ARHGAP32: variants seen among roughly 807,000 people sequenced by gnomAD.
The protein encoded by ARHGAP32 is rho GTPase-activating protein 32.
In ARHGAP32, 51 loss-of-function variants were observed where a neutral mutation model predicts 186.5. That is an observed-to-expected ratio of 0.27 (90% CI 0.22 to 0.35). The LOEUF (loss-of-function observed/expected upper bound fraction) is 0.35. Ranked by LOEUF, ARHGAP32 falls within the 10% of genes least tolerant of loss-of-function variation. ARHGAP32 has a pLI of 1.00. For missense variants in ARHGAP32, 2,186 were observed against 2,623.5 expected (o/e 0.83, Z 3.64); for synonymous variants, 950 against 964.3 (o/e 0.99, Z 0.27).
chr11:129,194,692 G>C (rs895583432), upstream of ARHGAP32, among the ~76,000 whole-genome samples: 1 of 151,890 alleles, frequency 6.6e-6, no homozygotes, highest in African/African-American at 2.4e-5. Flanking sequence ...GGAGATTGTT[G>C]CAGTGAGCCG....
At chr11:129,105,690 A>G (rs1225085567) in intron 5 of ARHGAP32, among the ~76,000 whole-genome samples, 1 of 152,196 alleles carries the variant, frequency 6.6e-6, no homozygotes, top group Admixed American at 6.5e-5. Context: ...CCCAGTTTCC[A>G]GAGTTACTAC....
chr11:129,036,660 A>C (rs1404156935), intron 11 of ARHGAP32, among the ~76,000 whole-genome samples: 3 of 152,222 alleles, frequency 2.0e-5, no homozygotes, highest in Admixed American at 1.3e-4. Flanking sequence ...GATGAATAAA[A>C]GCCTTTGGAA....
chr11:129,224,281 T>C (rs999797917), intron 1 of ARHGAP32, among the ~76,000 whole-genome samples: 3 of 152,138 alleles, frequency 2.0e-5, no homozygotes, highest in Non-Finnish European at 4.4e-5. Context: ...TTGTAAAATA[T>C]CTAAAACAGA....
chr11:129,106,302 G>A (rs963457744), intron 5 of ARHGAP32, among the ~76,000 whole-genome samples: 2 of 151,978 alleles, frequency 1.3e-5, no homozygotes, highest in African/African-American at 4.8e-5. Flanking sequence ...GCTAGATAAA[G>A]AAAATATGGT....
intron 1 of ARHGAP32, among the ~76,000 whole-genome samples, chr11:129,241,623 C>A (rs1718764788): frequency 1.3e-5 from 2 of 152,112 alleles, no homozygotes; most frequent in African/African-American, 4.8e-5. Flanking sequence ...CCAGCCTGGG[C>A]AACAGGGCAA....
chr11:129,132,074 C>A (rs1942823496), intron 2 of ARHGAP32, among the ~76,000 whole-genome samples: 1 of 152,152 alleles, frequency 6.6e-6, no homozygotes, highest in Non-Finnish European at 1.5e-5. Context: ...AGCTATTTTT[C>A]CTAATGCTCA....
At chr11:129,198,541 C>T (rs1944420793) in intron 1 of ARHGAP32, among the ~76,000 whole-genome samples, 1 of 152,130 alleles carries the variant, frequency 6.6e-6, no homozygotes, top group African/African-American at 2.4e-5. Flanking sequence ...AAGGGGCACC[C>T]CTGTCGCTTG....
intron 6 of ARHGAP32, among the ~76,000 whole-genome samples, chr11:129,086,591 G>A (rs1192444077): frequency 1.3e-5 from 2 of 152,074 alleles, no homozygotes; most frequent in African/African-American, 2.4e-5. Context: ...GGAGGCCAAG[G>A]CGGGCGGATC....
At chr11:128,980,445 G>T in intron 18 of ARHGAP32, 108 bp downstream of exon 18, 1 of 822,668 alleles carries the variant, frequency 1.2e-6, no homozygotes, top group Non-Finnish European at 1.8e-6. Flanking sequence ...GACTAGCCTA[G>T]AATTCAATAG....
In ARHGAP32 at chr11:129,251,030, A is replaced by T. The variant is rs567393539; in HGVS notation, c.-5+28116T>A. On this transcript the variant is annotated intron_variant, in intron 1 of 6. Coordinates refer to the ARHGAP32 transcript ENST00000525234. ...CCAACCTCAAATTTGGCTTAAATCA[A>T]GAAAATATCTAAGAATTTAAATCAG... Among the ~76,000 whole-genome samples the T allele has an allele frequency of 1.1e-4, 17 of 152,360 alleles. 1 individual carries two copies. Among genetic ancestry groups the T allele is most frequent in the African/African-American group, 4.1e-4 (17 of 41,590 alleles).
At chr11:129,040,893 T>C (rs775949123) in intron 11 of ARHGAP32, 35 bp downstream of exon 11, 2 of 1,482,466 alleles carry the variant, frequency 1.3e-6, no homozygotes, top group South Asian at 1.2e-5. Context: ...AAGCAGTTGA[T>C]AAAATAACTA....
intron 1 of ARHGAP32, among the ~76,000 whole-genome samples, chr11:129,185,920 C>T (rs892241790): frequency 1.3e-5 from 2 of 151,898 alleles, no homozygotes; most frequent in African/African-American, 4.8e-5. Flanking sequence ...GGAAACTAAT[C>T]ATTAATGTAA....
At chr11:129,043,771 G>A (rs1453265315) in intron 10 of ARHGAP32, among the ~76,000 whole-genome samples, 1 of 152,020 alleles carries the variant, frequency 6.6e-6, no homozygotes, top group East Asian at 1.9e-4. Context: ...AAACTTAACT[G>A]AGGCATCAGT....
chr11:129,115,485 G>A (rs549671588), intron 5 of ARHGAP32, among the ~76,000 whole-genome samples: 6 of 152,164 alleles, frequency 3.9e-5, no homozygotes, highest in East Asian at 1.9e-4. Flanking sequence ...TAAAGTAACC[G>A]ATGTGCTCAT....
chr11:129,055,491 A>G (rs1372977705), intron 10 of ARHGAP32, among the ~76,000 whole-genome samples: 1 of 152,246 alleles, frequency 6.6e-6, no homozygotes, highest in African/African-American at 2.4e-5. Context: ...ATAGATGTTT[A>G]TAGCAGTTTC....
At chr11:129,250,913 C>T (rs1214705269) in intron 1 of ARHGAP32, among the ~76,000 whole-genome samples, 1 of 152,188 alleles carries the variant, frequency 6.6e-6, no homozygotes, top group Non-Finnish European at 1.5e-5. Context: ...TCAGCACACC[C>T]ATAAGCAGTG....
intron 12 of ARHGAP32, among the ~76,000 whole-genome samples, chr11:128,989,144 C>A (rs1213942230): frequency 1.3e-5 from 2 of 152,058 alleles, no homozygotes; most frequent in East Asian, 3.8e-4. Context: ...ATTATTATAA[C>A]CAACTTTTCC....
chr11:129,104,402 T>G (rs1286953419), intron 5 of ARHGAP32, among the ~76,000 whole-genome samples: 1 of 152,060 alleles, frequency 6.6e-6, no homozygotes, highest in African/African-American at 2.4e-5. Context: ...ATGCTGATAC[T>G]TTATGACAGA....
intron 15 of ARHGAP32, among the ~76,000 whole-genome samples, chr11:128,984,676 G>A (rs1945810316): frequency 6.6e-6 from 1 of 151,988 alleles, no homozygotes. Context: ...TTAATAGCAG[G>A]CAAGGTATGA....
Sources: gnomAD v4.1 joint callset for allele counts (sites outside exome capture counted in the v4.1 genomes callset) on GRCh38, gnomAD v4.1.1 for gene constraint, MANE v1.5 for transcripts, NCBI Gene and HGNC (gene_info 2026-07-23, HGNC 2026-07-21) for gene names.